The following SUGCT variants were observed in gnomAD, a reference collection of about 807,000 sequenced individuals.
SUGCT encodes succinyl-CoA:glutarate-CoA transferase.
In SUGCT, 41 loss-of-function variants were observed where a neutral mutation model predicts 55.0. The ratio of observed to expected loss-of-function variants is 0.74; its 90% CI spans 0.58 to 0.97. SUGCT has a LOEUF of 0.97. Among genes scored for constraint, SUGCT ranks in the 50% least tolerant of loss-of-function variants. The pLI is 0.00. For synonymous variants in SUGCT, 187 were observed against 200.4 expected, an observed-to-expected ratio of 0.93 and a Z score of 0.56; for missense variants, 568 against 547.8, an observed-to-expected ratio of 1.04 and a Z score of -0.37.
intron 12 of SUGCT, among the ~76,000 whole-genome samples, chr7:40,574,905 A>G (rs1479641020): frequency 6.6e-6 from 1 of 152,230 alleles, no homozygotes; most frequent in Non-Finnish European, 1.5e-5. Context: ...TAACTGATGT[A>G]TAGATACAGA....
chr7:40,325,264 A>C (rs1795971204), intron 9 of SUGCT, among the ~76,000 whole-genome samples: 1 of 151,722 alleles, frequency 6.6e-6, no homozygotes, highest in South Asian at 2.1e-4. Context: ...TATAAATGAT[A>C]TACATCTGTC....
At chr7:40,672,159 A>C (rs900989413) in intron 12 of SUGCT, among the ~76,000 whole-genome samples, 4 of 152,224 alleles carry the variant, frequency 2.6e-5, no homozygotes, top group Admixed American at 2.6e-4. Context: ...CAAAAAACCT[A>C]ACCTAAGTTT....
At chr7:40,506,167 T>C (rs1291282839) in intron 12 of SUGCT, among the ~76,000 whole-genome samples, 3 of 152,206 alleles carry the variant, frequency 2.0e-5, no homozygotes, top group Non-Finnish European at 4.4e-5. Flanking sequence ...TTGGTGTTCA[T>C]TTTAATGTAA....
intron 9 of SUGCT, among the ~76,000 whole-genome samples, chr7:40,373,867 G>A (rs1189133839): frequency 1.3e-5 from 2 of 152,110 alleles, no homozygotes; most frequent in Non-Finnish European, 2.9e-5. Flanking sequence ...AAAAGTGCAA[G>A]TTGAATTCAT....
At position 40,446,020 on chromosome 7, in the gene SUGCT, T is replaced by G. The variant is rs182635904; in HGVS notation, c.817-3267T>G. 2.2e-4 allele frequency among the ~76,000 whole-genome samples: 34 copies of G among 152,198 alleles called. No homozygotes were observed. The East Asian group carries it at 5.8e-3, about 26-fold the overall frequency. The stretch of plus-strand genomic sequence containing the variant: ...ATTAACAAGGGTACAGATGAAGAGA[T>G]GTGTATTGTAAGGTATAGGGAGGGG... On this transcript the variant is annotated intron_variant, in intron 9 of 13. Coordinates refer to ENST00000335693, the MANE Select transcript of SUGCT (RefSeq NM_001193313.2).
chr7:40,958,068 A>G, the SUGCT span, among the ~76,000 whole-genome samples: 31 of 152,176 alleles, frequency 2.0e-4, no homozygotes, highest in African/African-American at 4.8e-4. Flanking sequence ...GGGTAACTCA[A>G]TCTTTCTCTC....
At chr7:40,188,744 A>C (rs1030108442) in intron 4 of SUGCT, among the ~76,000 whole-genome samples, 164 bp downstream of exon 4, 1 of 152,160 alleles carries the variant, frequency 6.6e-6, no homozygotes, top group Non-Finnish European at 1.5e-5. Context: ...CTAAGTAGAA[A>C]TAATGGAGCT....
At chr7:40,578,973 C>T (rs138240208) in intron 12 of SUGCT, among the ~76,000 whole-genome samples, 1,673 of 152,228 alleles carry the variant, frequency 0.011, 13 homozygotes, top group Middle Eastern at 0.031. Flanking sequence ...AACATGTAAG[C>T]ACCCAATAAA....
the SUGCT span, among the ~76,000 whole-genome samples, chr7:40,928,603 A>ATT: frequency 3.1e-4 from 45 of 144,580 alleles, no homozygotes; most frequent in East Asian, 1.2e-3. Flanking sequence ...TAAAACTCTA[A>ATT]TTTTTTTTTT....
intron 6 of SUGCT, among the ~76,000 whole-genome samples, chr7:40,215,712 A>T (rs1787588645): frequency 6.6e-6 from 1 of 151,988 alleles, no homozygotes; most frequent in Admixed American, 6.6e-5. Context: ...AATACAAAAA[A>T]TTAGCTGGGC....
At chr7:40,225,673 T>G (rs1257030600) in intron 6 of SUGCT, among the ~76,000 whole-genome samples, 4 of 152,052 alleles carry the variant, frequency 2.6e-5, no homozygotes, top group Non-Finnish European at 5.9e-5. Context: ...TGACCTCAAT[T>G]AATCCGCCTG....
At chr7:40,746,320 C>T (rs1472682975) in intron 12 of SUGCT, among the ~76,000 whole-genome samples, 1 of 152,150 alleles carries the variant, frequency 6.6e-6, no homozygotes, top group Non-Finnish European at 1.5e-5. Flanking sequence ...AGCACTGCCA[C>T]AGCCTCCATT....
the SUGCT span, among the ~76,000 whole-genome samples, chr7:40,983,683 G>T: frequency 1.3e-5 from 2 of 151,992 alleles, no homozygotes; most frequent in African/African-American, 2.4e-5. Context: ...TAAACAGTGC[G>T]GTTTATCCAC....
chr7:40,257,397 C>T (rs4481488), intron 7 of SUGCT, among the ~76,000 whole-genome samples: 8 of 151,740 alleles, frequency 5.3e-5, no homozygotes, highest in Non-Finnish European at 1.0e-4. Flanking sequence ...GGCACTGGTA[C>T]GCTGGAATCT....
At chr7:40,354,513 G>T (rs371187391) in intron 9 of SUGCT, among the ~76,000 whole-genome samples, 92 of 152,336 alleles carry the variant, frequency 6.0e-4, no homozygotes, top group Non-Finnish European at 7.4e-5. Flanking sequence ...GAGCCACAAA[G>T]AAATTCTTCT....
intron 9 of SUGCT, among the ~76,000 whole-genome samples, chr7:40,333,159 G>A (rs2151152212): frequency 6.6e-6 from 1 of 152,236 alleles, no homozygotes; most frequent in South Asian, 2.1e-4. Flanking sequence ...AACTACTACT[G>A]CTGGGTTAGG....
intron 9 of SUGCT, chr7:40,388,053 T>G (rs2151295387): frequency 6.6e-6 from 1 of 152,322 alleles, no homozygotes; most frequent in Middle Eastern, 3.4e-3. Context: ...TCAGTCAGTG[T>G]TATGCTGAAT....
chr7:40,304,952 C>G (rs538002391), intron 8 of SUGCT, among the ~76,000 whole-genome samples: 41 of 152,248 alleles, frequency 2.7e-4, no homozygotes, highest in Non-Finnish European at 4.7e-4. Flanking sequence ...GGAAGGTTTG[C>G]TATTTCTTTT....
intron 7 of SUGCT, among the ~76,000 whole-genome samples, chr7:40,273,631 A>G (rs1251470074): frequency 6.6e-6 from 1 of 152,180 alleles, no homozygotes; most frequent in African/African-American, 2.4e-5. Flanking sequence ...TGAAGTGGAG[A>G]TGTTAATCAA....
Sources: allele counts gnomAD v4.1 joint callset (sites outside exome capture counted in the v4.1 genomes callset), GRCh38; gene constraint gnomAD v4.1.1; transcripts MANE v1.5; gene names NCBI Gene and HGNC (gene_info 2026-07-23, HGNC 2026-07-21).